The following DSCAML1 variants were observed in gnomAD, a reference collection of about 807,000 sequenced individuals.
The protein encoded by DSCAML1 is cell adhesion molecule DSCAML1.
In DSCAML1, 38 loss-of-function variants were observed where a neutral mutation model predicts 200.5. The observed-to-expected ratio is 0.19, with a 90% CI of 0.15 to 0.25. The LOEUF (loss-of-function observed/expected upper bound fraction) is 0.25, where lower values mean the gene tolerates loss of function less well. Ranked by LOEUF, DSCAML1 falls within the 10% of genes least tolerant of loss-of-function variation. The pLI is 1.00. For missense variants in DSCAML1, 2,223 were observed against 2,858.8 expected, an observed-to-expected ratio of 0.78 and a Z score of 5.07; for synonymous variants, 1,215 against 1,165.0, an observed-to-expected ratio of 1.04 and a Z score of -0.87.
chr11:117,615,792 A>C (rs1049202883), intron 3 of DSCAML1, among the ~76,000 whole-genome samples: 1 of 152,182 alleles, frequency 6.6e-6, no homozygotes, highest in Non-Finnish European at 1.5e-5. Context: ...CAGGTTAGCA[A>C]GTAGCTGTTG....
chr11:117,600,255 C>G (rs1003300117), intron 3 of DSCAML1, among the ~76,000 whole-genome samples: 2 of 152,206 alleles, frequency 1.3e-5, no homozygotes, highest in African/African-American at 4.8e-5. Flanking sequence ...CTGTAGCACA[C>G]AGGGAGGATC....
chr11:117,472,033 G>A lies in DSCAML1; in HGVS notation c.2789C>T (p.Ser930Phe), dbSNP rs1465069433. 6.2e-7 allele frequency: 1 copy of A among 1,613,820 alleles called. No individual in the cohort carries two copies. Among genetic ancestry groups the A allele is most frequent in the Admixed American group, 1.7e-5 (1 of 59,998 alleles). The change falls in exon 15 of 33, where the codon TCC becomes TTC. Residue 930 changes from serine to phenylalanine, a missense_variant. Transcript: ENST00000651296. ...GCGTGTGGACTGCTTGAAGTCCCAG[G>A]AATCTGGAGAGAAGACACCTATGTC... The part of the protein sequence containing the change: ...FDIEYKNKSD[S>F]WDFKQSTRNI...
chr11:117,502,202 C>T (rs545424950), intron 11 of DSCAML1, among the ~76,000 whole-genome samples: 68 of 152,290 alleles, frequency 4.5e-4, no homozygotes, highest in Admixed American at 1.4e-3. Context: ...CGTGGGGTCC[C>T]CTCACACACA....
intron 3 of DSCAML1, among the ~76,000 whole-genome samples, chr11:117,729,464 G>C (rs980405977): frequency 6.6e-6 from 1 of 152,110 alleles, no homozygotes; most frequent in East Asian, 1.9e-4. Context: ...TCGAGAAAGT[G>C]CAAAAGACAC....
intron 3 of DSCAML1, among the ~76,000 whole-genome samples, chr11:117,687,287 A>T (rs2053416275): frequency 6.6e-6 from 1 of 151,956 alleles, no homozygotes; most frequent in African/African-American, 2.4e-5. Context: ...TAGAGACAAG[A>T]TCTCGCTCTG....
intron 3 of DSCAML1, among the ~76,000 whole-genome samples, chr11:117,725,016 G>T (rs1349558794): frequency 6.6e-6 from 1 of 152,184 alleles, no homozygotes; most frequent in African/African-American, 2.4e-5. Flanking sequence ...GGCTAGACTG[G>T]CAGAGGTGGG....
rs548718197 is a variant in DSCAML1 at position 117,449,760 on chromosome 11, C to A, written c.3708+789G>T. 2.7e-3 allele frequency among the ~76,000 whole-genome samples: 415 copies of A among 152,344 alleles called. 2 individuals are homozygous for A. Among genetic ancestry groups the A allele is most frequent in the African/African-American group, 9.6e-3 (400 of 41,580 alleles). On this transcript the variant is annotated intron_variant, in intron 20 of 32. Coordinates refer to ENST00000651296, the MANE Select transcript of DSCAML1 (RefSeq NM_020693.4). ...GAGGGCAGGTATCTGCTCCTGCTCC[C>A]GTACCTAGAACAGGCATTCTCTATA...
In DSCAML1 at chr11:117,481,225, C is replaced by A; in HGVS notation, c.2605G>T (p.Ala869Ser). The A allele has an allele frequency of 6.2e-7, 1 of 1,613,890 alleles. No homozygotes were observed. The highest frequency in any genetic ancestry group is 8.5e-7 in the Non-Finnish European group (1 of 1,180,002). Residue 869 changes from alanine to serine, a missense_variant, in exon 13 of 33, where the codon GCC (alanine) becomes TCC (serine). Physicochemically the swap from Ala to Ser is moderately conservative, Grantham distance 99. Transcript: ENST00000651296. ...RGDSVFFSCH[A>S]INSYGEDRGL... is the part of the protein sequence containing the mutation. Reference sequence around the variant, plus strand: ...CGGTCCTCCCCATACGAGTTGATGGCATGGCAGCTGAAGAACACAGAGTCC... The same window carrying A: ...CGGTCCTCCCCATACGAGTTGATGGAATGGCAGCTGAAGAACACAGAGTCC...
chr11:117,712,748 G>C (rs952931045), intron 3 of DSCAML1, among the ~76,000 whole-genome samples: 47 of 152,202 alleles, frequency 3.1e-4, no homozygotes, highest in African/African-American at 1.1e-3. Context: ...CCAAACCAGA[G>C]ACAGCAGAGA....
intron 3 of DSCAML1, among the ~76,000 whole-genome samples, chr11:117,553,406 C>T (rs1008279018): frequency 6.6e-6 from 1 of 152,062 alleles, no homozygotes; most frequent in South Asian, 2.1e-4. Flanking sequence ...GGTTAATATC[C>T]AGAATATATA....
At chr11:117,804,107 G>A (rs890854581) in intron 1 of DSCAML1, among the ~76,000 whole-genome samples, 2 of 152,214 alleles carry the variant, frequency 1.3e-5, no homozygotes, top group African/African-American at 2.4e-5. Context: ...AGAAATGTGC[G>A]GCCCAGAAAT....
chr11:117,530,225 C>T (rs996721276), intron 4 of DSCAML1, among the ~76,000 whole-genome samples: 2 of 152,108 alleles, frequency 1.3e-5, no homozygotes, highest in Admixed American at 1.3e-4. Flanking sequence ...GCCTCCAGTT[C>T]AAAGAATGTC....
intron 3 of DSCAML1, among the ~76,000 whole-genome samples, chr11:117,706,233 G>C (rs933681265): frequency 1.3e-5 from 2 of 152,194 alleles, no homozygotes; most frequent in Non-Finnish European, 2.9e-5. Flanking sequence ...TACATGAGCT[G>C]TGTCTGCTAG....
Position 117,437,787 on chromosome 11 carries a change from G to A in DSCAML1, c.4432+108C>T. 1 of 1,225,304 alleles carries A rather than the reference G, an allele frequency of 8.2e-7. No individual in the cohort carries two copies. Among genetic ancestry groups the A allele is most frequent in the African/African-American group, 1.5e-5 (1 of 65,926 alleles). 75.9% of individuals were successfully genotyped at this position (1,225,304 alleles called of 1,614,324 possible). On this transcript the variant is annotated intron_variant, in intron 25 of 32. Transcript: ENST00000651296. The surrounding 1 kb of genome is among the most constrained non-coding windows in gnomAD (Gnocchi z 5.3). ...CTCCCTTCAGTCTCCCTGCATCCCT[G>A]GACCCCTCCTTCCCCACCCCAGCCA...
At chr11:117,507,998 G>C (rs603858) in intron 8 of DSCAML1, among the ~76,000 whole-genome samples, 16,562 of 152,100 alleles carry the variant, frequency 0.11, 1,109 homozygotes, top group East Asian at 0.24. Flanking sequence ...GATCTCTCTT[G>C]TTGGGCCCCT....
intron 11 of DSCAML1, among the ~76,000 whole-genome samples, chr11:117,488,620 A>G (rs922027077): frequency 1.3e-5 from 2 of 152,172 alleles, no homozygotes; most frequent in African/African-American, 4.8e-5. Context: ...AGTCACCCTC[A>G]CAGCCTATGC....
chr11:117,671,965 G>C (rs971653331), intron 3 of DSCAML1, among the ~76,000 whole-genome samples: 87 of 152,160 alleles, frequency 5.7e-4, no homozygotes, highest in African/African-American at 2.0e-3. Context: ...GCCGGGCGCG[G>C]TGGCAGGTGC....
chr11:117,536,788 G>GTGGT (rs2050179320), intron 3 of DSCAML1, among the ~76,000 whole-genome samples: 1 of 152,184 alleles, frequency 6.6e-6, no homozygotes, highest in Non-Finnish European at 1.5e-5. Flanking sequence ...GACTAGGGGA[G>GTGGT]TGGTTGGTTT....
chr11:117,479,939 C>T (rs1012677058), intron 14 of DSCAML1, among the ~76,000 whole-genome samples: 5 of 152,138 alleles, frequency 3.3e-5, no homozygotes, highest in South Asian at 2.1e-4. Flanking sequence ...TGAGCCACTG[C>T]GCCCAGCTGG....
Sources: allele counts gnomAD v4.1 joint callset (sites outside exome capture counted in the v4.1 genomes callset), GRCh38; gene constraint gnomAD v4.1.1; non-coding constraint Gnocchi (gnomAD v3.1); transcripts MANE v1.5; gene names NCBI Gene and HGNC (gene_info 2026-07-23, HGNC 2026-07-21).